LRP1B: variants seen among roughly 807,000 people sequenced by gnomAD.
The protein encoded by LRP1B is low-density lipoprotein receptor-related protein 1B.
Under a neutral mutation model 556.6 loss-of-function variants are expected in LRP1B, and 217 were observed. The ratio of observed to expected loss-of-function variants is 0.39; its 90% CI spans 0.35 to 0.44. The LOEUF is 0.44. Among genes scored for constraint, LRP1B ranks in the 20% least tolerant of loss-of-function variants. The pLI is 1.00. For synonymous variants in LRP1B, 2,047 were observed against 1,865.8 expected, an observed-to-expected ratio of 1.10 and a Z score of -2.50; for missense variants, 5,053 against 5,620.8, an observed-to-expected ratio of 0.90 and a Z score of 3.23.
rs147797647 is a variant in LRP1B at position 140,902,523 on chromosome 2, T to A, written c.3766+397A>T. On this transcript the variant is annotated intron_variant, in intron 23 of 90. Coordinates refer to ENST00000389484, the MANE Select transcript of LRP1B (RefSeq NM_018557.3). ...TCCGCAGAATGTTTTAGATAAGTGGTTAGAAGATGAACACAGCCAGAGCAA... is the reference window on the plus strand; with the variant it reads ...TCCGCAGAATGTTTTAGATAAGTGGATAGAAGATGAACACAGCCAGAGCAA... Among the ~76,000 whole-genome samples, 337 of 151,874 alleles carry A rather than the reference T, an allele frequency of 2.2e-3. 1 individual carries two copies. Among genetic ancestry groups the A allele is most frequent in the African/African-American group, 7.6e-3 (314 of 41,434 alleles).
intron 35 of LRP1B, among the ~76,000 whole-genome samples, chr2:140,752,186 G>A (rs945595837): frequency 2.9e-4 from 44 of 151,910 alleles, no homozygotes; most frequent in Admixed American, 1.6e-3. Context: ...GTGGTGGCAC[G>A]CACCTGTATC....
intron 77 of LRP1B, among the ~76,000 whole-genome samples, chr2:140,342,674 C>T (rs866731756): frequency 9.2e-5 from 14 of 151,576 alleles, no homozygotes; most frequent in Middle Eastern, 3.4e-3. Flanking sequence ...CTCACGTATA[C>T]GTTTTGAGAG....
At chr2:141,929,368 C>G (rs1303591937) in intron 1 of LRP1B, among the ~76,000 whole-genome samples, 1 of 152,062 alleles carries the variant, frequency 6.6e-6, no homozygotes, top group East Asian at 1.9e-4. Flanking sequence ...ATATTCCTAT[C>G]ATCATATAGC....
At chr2:141,255,429 A>G (rs935854552) in intron 3 of LRP1B, among the ~76,000 whole-genome samples, 4 of 152,106 alleles carry the variant, frequency 2.6e-5, no homozygotes, top group Non-Finnish European at 4.4e-5. Flanking sequence ...TTCAAAATAC[A>G]TTGATATTTG....
intron 11 of LRP1B, among the ~76,000 whole-genome samples, chr2:141,041,506 G>A (rs2105432530): frequency 6.6e-6 from 1 of 152,052 alleles, no homozygotes; most frequent in Middle Eastern, 3.4e-3. Flanking sequence ...CCATAGTCAT[G>A]ACCCCTACTT....
intron 2 of LRP1B, among the ~76,000 whole-genome samples, chr2:141,786,526 C>CT (rs1324750219): frequency 1.3e-5 from 2 of 151,916 alleles, no homozygotes; most frequent in East Asian, 3.9e-4. Context: ...GTACTGCTAG[C>CT]TTTTTTCTGT....
chr2:141,910,113 C>G lies in LRP1B; in HGVS notation c.83-99712G>C, dbSNP rs556018035. On this transcript the variant is annotated intron_variant, in intron 1 of 90. Transcript: ENST00000389484. ...CGTAGATCACGCCACTGCACTCCAGCCTGGGTGACAGAGCGAGACTCCATC... is the reference window on the plus strand; with the variant it reads ...CGTAGATCACGCCACTGCACTCCAGGCTGGGTGACAGAGCGAGACTCCATC... 6.4e-5 allele frequency among the ~76,000 whole-genome samples: 9 copies of G among 140,700 alleles called. No homozygotes were observed. In the South Asian group the frequency reaches 9.1e-4, roughly 14 times the overall value. 92.3% of individuals were successfully genotyped at this position (140,700 alleles called of 152,430 possible). A position where few individuals can be genotyped will look rare whatever the true frequency, so the allele number is the denominator to read the frequency against.
intron 2 of LRP1B, among the ~76,000 whole-genome samples, chr2:141,766,580 T>C (rs758526932): frequency 6.6e-6 from 1 of 152,048 alleles, no homozygotes; most frequent in Non-Finnish European, 1.5e-5. Flanking sequence ...TCTTCAAGAG[T>C]CCTCAAGAGC....
intron 7 of LRP1B, among the ~76,000 whole-genome samples, chr2:141,124,797 G>A (rs1701160450): frequency 6.6e-6 from 1 of 151,886 alleles, no homozygotes; most frequent in South Asian, 2.1e-4. Context: ...TAAATTAATA[G>A]ATAGGGAAAA....
At chr2:140,829,912 C>T (rs1431063209) in intron 31 of LRP1B, among the ~76,000 whole-genome samples, 1 of 151,314 alleles carries the variant, frequency 6.6e-6, no homozygotes, top group African/African-American at 2.4e-5. Context: ...AAATCAGAAA[C>T]AAAAAAAGGA....
At chr2:141,091,668 G>A (rs1471706495) in intron 7 of LRP1B, among the ~76,000 whole-genome samples, 1 of 152,150 alleles carries the variant, frequency 6.6e-6, no homozygotes, top group Non-Finnish European at 1.5e-5. Context: ...TGCTGGGATA[G>A]GCTCCAGCCA....
chr2:141,947,625 C>T (rs985301757), intron 1 of LRP1B, among the ~76,000 whole-genome samples: 9 of 151,900 alleles, frequency 5.9e-5, no homozygotes, highest in Non-Finnish European at 1.2e-4. Flanking sequence ...GATGATGCAG[C>T]CTCCAACAAA....
At chr2:141,508,073 G>A (rs1683993098) in intron 2 of LRP1B, among the ~76,000 whole-genome samples, 1 of 132,028 alleles carries the variant, frequency 7.6e-6, no homozygotes. Flanking sequence ...ATGAAAGAGG[G>A]AGACTCCATC....
intron 14 of LRP1B, among the ~76,000 whole-genome samples, chr2:141,011,908 A>G (rs182748046): frequency 7.2e-5 from 11 of 152,054 alleles, no homozygotes; most frequent in Admixed American, 7.2e-4. Flanking sequence ...TAAAATGCCT[A>G]TATGTAGGGT....
At chr2:141,660,066 C>T (rs143074678) in intron 2 of LRP1B, among the ~76,000 whole-genome samples, 20 of 151,956 alleles carry the variant, frequency 1.3e-4, no homozygotes, top group East Asian at 7.8e-4. Context: ...CAGCTGCAGT[C>T]GGAGTCTCCC....
chr2:141,435,459 T>C (rs192436466), intron 3 of LRP1B, among the ~76,000 whole-genome samples: 5 of 152,180 alleles, frequency 3.3e-5, no homozygotes, highest in Admixed American at 6.5e-5. Flanking sequence ...AAGATCTCCA[T>C]TGTTCTTGAC....
At chr2:140,323,757 G>C in intron 81 of LRP1B, 136 bp downstream of exon 81, 1 of 423,362 alleles carries the variant, frequency 2.4e-6, no homozygotes, top group Admixed American at 4.1e-5. Flanking sequence ...AAAGTCTAGT[G>C]ACATCAAAAT....
chr2:140,679,193 G>C (rs919462235), intron 41 of LRP1B, among the ~76,000 whole-genome samples: 8 of 152,168 alleles, frequency 5.3e-5, no homozygotes, highest in African/African-American at 1.7e-4. Flanking sequence ...AGTCATATTA[G>C]ATTAGAGTCC....
chr2:141,278,026 C>T (rs553133433), intron 3 of LRP1B, among the ~76,000 whole-genome samples: 5 of 152,218 alleles, frequency 3.3e-5, no homozygotes, highest in Admixed American at 1.3e-4. Flanking sequence ...TATAAGAGCT[C>T]AAGCTTATCT....
Sources: gnomAD v4.1 joint callset for allele counts (sites outside exome capture counted in the v4.1 genomes callset) on GRCh38, gnomAD v4.1.1 for gene constraint, MANE v1.5 for transcripts, NCBI Gene and HGNC (gene_info 2026-07-23, HGNC 2026-07-21) for gene names.